Variants in DOCK1 observed in about 807,000 individuals in gnomAD.
DOCK1 encodes the protein dedicator of cytokinesis 1.
Under a neutral mutation model 262.7 loss-of-function variants are expected in DOCK1, and 138 were observed. The observed-to-expected ratio is 0.53, with a 90% CI of 0.46 to 0.61. The LOEUF (loss-of-function observed/expected upper bound fraction) is 0.61. DOCK1 is among the 20% of genes least tolerant of loss of function. DOCK1 has a pLI of 0.00. For missense variants in DOCK1, 1,908 were observed against 2,370.7 expected (o/e 0.80, Z 4.05); for synonymous variants, 866 against 867.4 (o/e 1.00, Z 0.03).
chr10:127,045,421 C>T (rs1158997260), intron 21 of DOCK1, among the ~76,000 whole-genome samples: 1 of 152,070 alleles, frequency 6.6e-6, no homozygotes, highest in Non-Finnish European at 1.5e-5. Flanking sequence ...GGAAGGTCGC[C>T]TCCGCATTGG....
Position 127,073,581 on chromosome 10 carries a change from CTGCCAGTAGCCAGAGGCT to C in DOCK1, c.2445+11809_2445+11826del, listed in dbSNP as rs200825210. Among the ~76,000 whole-genome samples the C allele has an allele frequency of 3.7e-3, 564 of 152,346 alleles. 23 individuals are homozygous for C. The East Asian group carries it at 0.095, about 26-fold the overall frequency. On this transcript the variant is annotated intron_variant, in intron 23 of 51. Coordinates refer to ENST00000623213, the MANE Select transcript of DOCK1 (RefSeq NM_001290223.2). The stretch of plus-strand genomic sequence containing the variant: ...TTCTCTCCATTTGAGGGAAAAGTGG[CTGCCAGTAGCCAGAGGCT>C]TGCAATTTTCTTTTTTGTCTAATAG...
chr10:126,950,359 A>G (rs1235783754), intron 1 of DOCK1, among the ~76,000 whole-genome samples: 1 of 151,902 alleles, frequency 6.6e-6, no homozygotes, highest in African/African-American at 2.4e-5. Context: ...GGATGATTGG[A>G]GGTCTGGTCT....
chr10:127,451,404 G>C lies in DOCK1; in HGVS notation c.5638G>C (p.Val1880Leu). 1 of 1,589,436 alleles carries C rather than the reference G, an allele frequency of 6.3e-7. No individual in the cohort carries two copies. Among genetic ancestry groups the C allele is most frequent in the South Asian group, 1.2e-5 (1 of 86,574 alleles). ...AAAGACAACTCGCAAGCAGGCATCGGTGGACTCCGGGATCGTGCAGTGACG... is the reference window on the plus strand; with the variant it reads ...AAAGACAACTCGCAAGCAGGCATCGCTGGACTCCGGGATCGTGCAGTGACG... ...PPKTTRKQAS[V>L]DSGIVQ Residue 1880 changes from valine to leucine, a missense_variant, in exon 52 of 52, where the codon GTG (valine) becomes CTG (leucine). Val to Leu is a conservative substitution (Grantham distance 32). Coordinates refer to ENST00000623213, the MANE Select transcript of DOCK1 (RefSeq NM_001290223.2).
intron 1 of DOCK1, among the ~76,000 whole-genome samples, chr10:126,927,981 C>G (rs1485941334): frequency 6.6e-6 from 1 of 152,106 alleles, no homozygotes; most frequent in Admixed American, 6.5e-5. Flanking sequence ...CAGGTGCCAC[C>G]TGGTCTGCGA....
chr10:127,295,541 C>G (rs114335997), intron 29 of DOCK1, among the ~76,000 whole-genome samples: 1,581 of 152,166 alleles, frequency 0.01, 36 homozygotes, highest in African/African-American at 0.036. Context: ...TTAGAAATAC[C>G]TAGGTGTGGT....
chr10:127,023,414 G>A, intron 14 of DOCK1, 90 bp downstream of exon 14: 1 of 1,525,918 alleles, frequency 6.6e-7, no homozygotes, highest in African/African-American at 1.4e-5. Flanking sequence ...GATGTCGTCA[G>A]GGTGGGGCTT....
In DOCK1 at chr10:126,995,191, C is replaced by G. The variant is rs1308709689; in HGVS notation, c.474-1557C>G. Among the ~76,000 whole-genome samples the G allele has an allele frequency of 6.6e-6, 1 of 151,258 alleles. No individual in the cohort carries two copies. The highest frequency in any genetic ancestry group is 1.5e-5 in the Non-Finnish European group (1 of 67,834). On this transcript the variant is annotated intron_variant, in intron 6 of 51. Transcript: ENST00000623213. The surrounding 1 kb of genome is among the most constrained non-coding windows in gnomAD (Gnocchi z 5.8). ...GCCGGGAAGAGGCGCTCCTCACTTC[C>G]CAGACTGGGTGGCCGGGCAGACACG...
chr10:127,189,838 A>T (rs2056582918), intron 27 of DOCK1, among the ~76,000 whole-genome samples: 1 of 152,226 alleles, frequency 6.6e-6, no homozygotes, highest in South Asian at 2.1e-4. Context: ...AGACAAAAAT[A>T]ATCTTTATGC....
At chr10:127,430,022 A>G (rs559742804) in intron 47 of DOCK1, among the ~76,000 whole-genome samples, 40 of 152,248 alleles carry the variant, frequency 2.6e-4, no homozygotes, top group Non-Finnish European at 5.0e-4. Flanking sequence ...TCCAAACACC[A>G]TGGAGAGCCA....
intron 23 of DOCK1, among the ~76,000 whole-genome samples, chr10:127,078,775 T>G (rs977669704): frequency 5.3e-5 from 8 of 152,144 alleles, no homozygotes; most frequent in South Asian, 2.1e-4. Flanking sequence ...ATTAAGGGCA[T>G]TTACAGCAAC....
At chr10:127,042,071 T>C (rs2044054299) in intron 19 of DOCK1, among the ~76,000 whole-genome samples, 1 of 152,228 alleles carries the variant, frequency 6.6e-6, no homozygotes, top group Non-Finnish European at 1.5e-5. Flanking sequence ...TTTAGTCAAC[T>C]GTAACTGTAA....
intron 1 of DOCK1, among the ~76,000 whole-genome samples, chr10:126,965,719 A>G (rs1266992210): frequency 6.6e-6 from 1 of 152,038 alleles, no homozygotes; most frequent in African/African-American, 2.4e-5. Context: ...TTTTCCCTGA[A>G]TGGGTGTTAC....
At chr10:127,224,433 A>G (rs1022462931) in intron 27 of DOCK1, among the ~76,000 whole-genome samples, 1 of 151,990 alleles carries the variant, frequency 6.6e-6, no homozygotes, top group African/African-American at 2.4e-5. Context: ...ATGGTGGTAC[A>G]CACCTGTAAT....
chr10:127,403,819 T>C (rs2067362535), intron 39 of DOCK1, among the ~76,000 whole-genome samples: 2 of 152,186 alleles, frequency 1.3e-5, no homozygotes, highest in Non-Finnish European at 2.9e-5. Context: ...TGACCAGACC[T>C]TTCTTCTGCC....
At position 127,444,260 on chromosome 10, in the gene DOCK1, C is replaced by T; in HGVS notation, c.5394C>T (p.Leu1798=). The change falls in exon 50 of 52, where the codon CTC becomes CTT. Residue 1798 remains leucine (L), a synonymous_variant. Coordinates refer to ENST00000623213, the MANE Select transcript of DOCK1 (RefSeq NM_001290223.2). ...CTCCAGTTACACCAAGGGCCAAGCT[C>T]AGCTTCAGCATGCAGTCGAGTAAGT... is the stretch of plus-strand genomic sequence containing the variant. ...TPPPVTPRAK[L]SFSMQSSLEL... The T allele has an allele frequency of 1.2e-6, 2 of 1,609,136 alleles. No individual in the cohort carries two copies. The highest frequency in any genetic ancestry group is 8.5e-7 in the Non-Finnish European group (1 of 1,178,226).
chr10:127,133,676 C>T (rs998487889), intron 27 of DOCK1, among the ~76,000 whole-genome samples: 6 of 152,170 alleles, frequency 3.9e-5, no homozygotes, highest in Non-Finnish European at 8.8e-5. Flanking sequence ...CTCTGCAATC[C>T]TTACATATTC....
At chr10:127,203,263 T>C (rs1330623459) in intron 27 of DOCK1, among the ~76,000 whole-genome samples, 2 of 152,220 alleles carry the variant, frequency 1.3e-5, no homozygotes, top group East Asian at 3.8e-4. Context: ...CTTTTGATTA[T>C]CTTGAACACC....
At chr10:127,236,037 T>C (rs1309927894) in intron 27 of DOCK1, among the ~76,000 whole-genome samples, 1 of 152,152 alleles carries the variant, frequency 6.6e-6, no homozygotes, top group East Asian at 1.9e-4. Flanking sequence ...ATAGGTGTTT[T>C]TAAAAATATT....
In DOCK1 at chr10:127,410,837, C is replaced by T. The variant is rs1302203298; in HGVS notation, c.4344-3C>T. ...ATCTAATGATCTGTCTGTCTCTGTA[C>T]AGTTTTTACAGGGTGAACGAGGTCC... On this transcript the variant is annotated splice_region_variant and splice_polypyrimidine_tract_variant and intron_variant, in intron 42 of 51. Coordinates refer to ENST00000623213, the MANE Select transcript of DOCK1 (RefSeq NM_001290223.2). 6.2e-7 allele frequency: 1 copy of T among 1,613,406 alleles called. No homozygotes were observed. Among genetic ancestry groups the T allele is most frequent in the African/African-American group, 1.3e-5 (1 of 74,928 alleles).
Sources: allele counts gnomAD v4.1 joint callset (sites outside exome capture counted in the v4.1 genomes callset), GRCh38; gene constraint gnomAD v4.1.1; non-coding constraint Gnocchi (gnomAD v3.1); transcripts MANE v1.5; gene names NCBI Gene and HGNC (gene_info 2026-07-23, HGNC 2026-07-21).